The following PRKACB variants were observed in gnomAD, a reference collection of about 807,000 sequenced individuals.
The protein encoded by PRKACB is protein kinase cAMP-activated catalytic subunit beta, also known as cAMP-dependent protein kinase catalytic subunit beta.
Under a neutral mutation model 51.4 loss-of-function variants are expected in PRKACB, and 16 were observed. The observed-to-expected ratio is 0.31, with a 90% CI of 0.21 to 0.47. The LOEUF (loss-of-function observed/expected upper bound fraction) is 0.47. Among genes scored for constraint, PRKACB ranks in the 20% least tolerant of loss-of-function variants. The pLI is 1.00. For missense variants in PRKACB, 309 were observed against 464.5 expected (o/e 0.67, Z 3.08); for synonymous variants, 147 against 154.4 (o/e 0.95, Z 0.35).
chr1:84,189,510 A>G (rs1572233503), intron 5 of PRKACB, among the ~76,000 whole-genome samples: 1 of 151,796 alleles, frequency 6.6e-6, no homozygotes, highest in Admixed American at 6.6e-5. Context: ...GGAGGGAGTT[A>G]TCAACCCAGC....
intron 1 of PRKACB, among the ~76,000 whole-genome samples, chr1:84,090,339 CTGTTA>C (rs780104578): frequency 1.3e-5 from 2 of 152,130 alleles, no homozygotes; most frequent in Non-Finnish European, 2.9e-5. Context: ...CCATCTTATT[CTGTTA>C]TAATAGAGGA....
At chr1:84,117,587 A>G (rs1650735302) in intron 1 of PRKACB, among the ~76,000 whole-genome samples, 1 of 152,070 alleles carries the variant, frequency 6.6e-6, no homozygotes, top group Non-Finnish European at 1.5e-5. Flanking sequence ...GTTTGTCAGC[A>G]TTTAGTTGTT....
intron 1 of PRKACB, among the ~76,000 whole-genome samples, chr1:84,117,011 G>A (rs1650688971): frequency 6.6e-6 from 1 of 151,386 alleles, no homozygotes. Flanking sequence ...AGTTTGTTGA[G>A]TTTTGTTATG....
intron 8 of PRKACB, chr1:84,205,006 G>A: frequency 1.0e-6 from 1 of 983,454 alleles, no homozygotes; most frequent in Non-Finnish European, 1.2e-6. Context: ...TCTAAATCCT[G>A]GGCACCTTAG....
At chr1:84,124,982 C>T (rs190286107) in intron 1 of PRKACB, among the ~76,000 whole-genome samples, 1 of 152,268 alleles carries the variant, frequency 6.6e-6, no homozygotes, top group African/African-American at 2.4e-5. Context: ...TTCCTCATCC[C>T]CATCACCTTA....
intron 1 of PRKACB, among the ~76,000 whole-genome samples, chr1:84,080,255 A>G (rs1477571200): frequency 2.6e-5 from 4 of 152,192 alleles, no homozygotes; most frequent in Non-Finnish European, 5.9e-5. Flanking sequence ...TACCAAAACA[A>G]TTCTCCCTTA....
chr1:84,147,574 AC>A (rs924199277), intron 1 of PRKACB, among the ~76,000 whole-genome samples: 24 of 152,010 alleles, frequency 1.6e-4, no homozygotes, highest in African/African-American at 5.8e-4. Flanking sequence ...TCTAGTTCTT[AC>A]CCCCAAAAAG....
intron 9 of PRKACB, among the ~76,000 whole-genome samples, chr1:84,228,079 G>T (rs1174604385): frequency 6.6e-6 from 1 of 152,168 alleles, no homozygotes; most frequent in East Asian, 1.9e-4. Context: ...CAAAACAGCA[G>T]TCCCCAAAGC....
intron 7 of PRKACB, among the ~76,000 whole-genome samples, chr1:84,200,415 T>C (rs1669755295): frequency 6.6e-6 from 1 of 152,190 alleles, no homozygotes; most frequent in Admixed American, 6.6e-5. Context: ...TTTGCAAATA[T>C]TTTCTCCCAT....
chr1:84,187,942 C>G (rs1167445710), intron 5 of PRKACB, among the ~76,000 whole-genome samples: 1 of 151,936 alleles, frequency 6.6e-6, no homozygotes, highest in Non-Finnish European at 1.5e-5. Flanking sequence ...ATTTTATGCA[C>G]TTTTTAAATA....
intron 6 of PRKACB, among the ~76,000 whole-genome samples, chr1:84,197,123 A>G (rs1668443647): frequency 6.6e-6 from 1 of 152,178 alleles, no homozygotes; most frequent in Non-Finnish European, 1.5e-5. Flanking sequence ...ACTAAGACAT[A>G]GCAAGGTCAT....
At chr1:84,179,943 C>T (rs1018241812) in intron 2 of PRKACB, among the ~76,000 whole-genome samples, 26 of 149,786 alleles carry the variant, frequency 1.7e-4, no homozygotes, top group African/African-American at 6.4e-4. Flanking sequence ...TATCCCTCCC[C>T]TAGCCCCCCA....
At chr1:84,097,393 A>G (rs1039141773) in intron 1 of PRKACB, among the ~76,000 whole-genome samples, 2 of 152,068 alleles carry the variant, frequency 1.3e-5, no homozygotes, top group African/African-American at 4.8e-5. Context: ...AGTGTAGGAG[A>G]GTTTCCATTG....
intron 1 of PRKACB, among the ~76,000 whole-genome samples, chr1:84,102,373 C>T (rs1284345710): frequency 4.0e-5 from 6 of 151,730 alleles, no homozygotes; most frequent in African/African-American, 7.3e-5. Context: ...GGCGACAGAG[C>T]GAGACTCCAT....
At chr1:84,144,191 C>T (rs757075175), upstream of PRKACB, 5 of 1,287,750 alleles carry the variant, frequency 3.9e-6, no homozygotes, top group Non-Finnish European at 5.1e-6. Context: ...CTAAGAAAAG[C>T]TCAGTAATGT....
At chr1:84,145,460 C>T (rs1653928603) in intron 1 of PRKACB, among the ~76,000 whole-genome samples, 1 of 152,072 alleles carries the variant, frequency 6.6e-6, no homozygotes, top group Non-Finnish European at 1.5e-5. Flanking sequence ...AGGAAGAAAA[C>T]TCAGCTTAAC....
chr1:84,130,189 CAAAAAAA>C (rs71097833), intron 1 of PRKACB, among the ~76,000 whole-genome samples: 900 of 56,180 alleles, frequency 0.016, 4 homozygotes, highest in Non-Finnish European at 0.023. Flanking sequence ...GACTCCGTCT[CAAAAAAA>C]AAAAAAAAAA....
At position 84,078,492 on chromosome 1, in the gene PRKACB, G is replaced by A. The variant is rs904536230; in HGVS notation, c.46+121G>A. ...CCAGGCCTAGCAGCGGCCGCCGGGAGTCGTTCTGGGGGGCCGGGAGACCAG... is the reference window on the plus strand; with the variant it reads ...CCAGGCCTAGCAGCGGCCGCCGGGAATCGTTCTGGGGGGCCGGGAGACCAG... On this transcript the variant is annotated intron_variant, in intron 1 of 8. Coordinates refer to the PRKACB transcript ENST00000370688. The A allele has an allele frequency of 6.0e-6, 7 of 1,158,444 alleles. No individual in the cohort carries two copies. In the African/African-American group the frequency reaches 9.4e-5, roughly 16 times the overall value. The allele number at this position is 1,158,444 out of a possible 1,614,324, so 71.8% of individuals were successfully genotyped here.
At chr1:84,132,972 C>A (rs979917085) in intron 1 of PRKACB, among the ~76,000 whole-genome samples, 1 of 151,878 alleles carries the variant, frequency 6.6e-6, no homozygotes, top group Non-Finnish European at 1.5e-5. Flanking sequence ...GTAATAATGG[C>A]CAAGAATGTT....
Sources: allele counts gnomAD v4.1 joint callset (sites outside exome capture counted in the v4.1 genomes callset), GRCh38; gene constraint gnomAD v4.1.1; transcripts MANE v1.5; gene names NCBI Gene and HGNC (gene_info 2026-07-23, HGNC 2026-07-21).